CDIN1: variants seen among roughly 807,000 people sequenced by gnomAD.
CDIN1 encodes CDAN1 interacting nuclease 1.
A neutral mutation model predicts 45.3 loss-of-function variants in CDIN1; 33 were observed. That is an observed-to-expected ratio of 0.73 (90% CI 0.55 to 0.97). The LOEUF is 0.97. CDIN1 is among the 50% of genes least tolerant of loss of function. The pLI, the probability that CDIN1 is intolerant of heterozygous loss-of-function variation, is 0.00. For missense variants in CDIN1, 303 were observed against 339.4 expected (o/e 0.89, Z 0.84); for synonymous variants, 118 against 124.4 (o/e 0.95, Z 0.34).
chr15:36,588,383 C>T (rs2037405812), intron 1 of CDIN1, among the ~76,000 whole-genome samples: 1 of 152,130 alleles, frequency 6.6e-6, no homozygotes, highest in African/African-American at 2.4e-5. Flanking sequence ...AGTTGATTCT[C>T]AGTTTGTGGT....
At chr15:36,765,092 G>A (rs368435129) in intron 10 of CDIN1, among the ~76,000 whole-genome samples, 5 of 132,968 alleles carry the variant, frequency 3.8e-5, no homozygotes, top group African/African-American at 8.5e-5. Context: ...GTCTCGCTCC[G>A]TCATTCAGGC....
chr15:36,601,851 T>C (rs2038121856), intron 1 of CDIN1, among the ~76,000 whole-genome samples: 1 of 152,216 alleles, frequency 6.6e-6, no homozygotes, highest in African/African-American at 2.4e-5. Flanking sequence ...GCTGATTGAC[T>C]TTTCTGGGCT....
intron 10 of CDIN1, among the ~76,000 whole-genome samples, chr15:36,745,825 G>C (rs1177549476): frequency 6.6e-6 from 1 of 152,024 alleles, no homozygotes; most frequent in African/African-American, 2.4e-5. Context: ...AATTAGCCAG[G>C]CGTGGGGGTG....
At chr15:36,749,985 C>T (rs762955194) in intron 10 of CDIN1, among the ~76,000 whole-genome samples, 2 of 152,076 alleles carry the variant, frequency 1.3e-5, no homozygotes, top group East Asian at 1.9e-4. Flanking sequence ...ATTGTGTTGC[C>T]GTAATGAAAA....
intron 10 of CDIN1, among the ~76,000 whole-genome samples, chr15:36,775,470 C>G (rs2054195400): frequency 6.6e-6 from 1 of 152,182 alleles, no homozygotes; most frequent in African/African-American, 2.4e-5. Flanking sequence ...TTGGTTAGAT[C>G]TTACCCGTGT....
intron 10 of CDIN1, among the ~76,000 whole-genome samples, chr15:36,724,926 G>A (rs989664863): frequency 1.2e-4 from 19 of 152,052 alleles, no homozygotes; most frequent in African/African-American, 4.1e-4. Context: ...CAAAATGTAC[G>A]AACCTAGGGC....
At chr15:36,655,650 A>G (rs1477705751) in intron 4 of CDIN1, among the ~76,000 whole-genome samples, 1 of 152,160 alleles carries the variant, frequency 6.6e-6, no homozygotes, top group Non-Finnish European at 1.5e-5. Context: ...AAATGTATCT[A>G]GACTTGTTTG....
intron 10 of CDIN1, among the ~76,000 whole-genome samples, chr15:36,757,353 ACT>A (rs2140987495): frequency 6.6e-6 from 1 of 152,096 alleles, no homozygotes; most frequent in East Asian, 1.9e-4. Flanking sequence ...GGTAGTATTA[ACT>A]CTTCACAGTA....
At chr15:36,676,244 T>C (rs1390753301) in intron 5 of CDIN1, among the ~76,000 whole-genome samples, 12 of 152,226 alleles carry the variant, frequency 7.9e-5, no homozygotes, top group East Asian at 1.9e-4. Context: ...ATTTAAGATA[T>C]AAAGTTTAGG....
At chr15:36,614,141 A>T (rs1810472750) in intron 1 of CDIN1, 1 of 731,676 alleles carries the variant, frequency 1.4e-6, no homozygotes, top group Admixed American at 1.7e-5. Flanking sequence ...TGCACCAAAG[A>T]GGAGTATTCT....
chr15:36,625,997 C>T (rs994550872), intron 1 of CDIN1, among the ~76,000 whole-genome samples: 3 of 151,894 alleles, frequency 2.0e-5, no homozygotes, highest in African/African-American at 4.8e-5. Context: ...ATGAACTCTA[C>T]AAAAAATAGT....
At chr15:36,685,307 G>A (rs1428357969) in intron 5 of CDIN1, among the ~76,000 whole-genome samples, 7 of 151,858 alleles carry the variant, frequency 4.6e-5, no homozygotes, top group East Asian at 1.9e-4. Context: ...TTCAAAGAAC[G>A]TCTTTATTTC....
chr15:36,661,359 A>T (rs1249823178), intron 5 of CDIN1, among the ~76,000 whole-genome samples: 2 of 152,120 alleles, frequency 1.3e-5, no homozygotes, highest in Non-Finnish European at 2.9e-5. Context: ...TTCCTAGCAG[A>T]GGATATTACC....
rs71126233 is a variant in CDIN1 at position 36,703,219 on chromosome 15, A to AATATATAT, written c.544+5836_544+5843dup. Among the ~76,000 whole-genome samples the AATATATAT allele has an allele frequency of 6.1e-4, 35 of 57,364 alleles. 10 individuals carry two copies. The highest frequency in any genetic ancestry group is 1.3e-3 in the African/African-American group (16 of 12,498). The allele number at this position is 57,364 out of a possible 152,430, so 37.6% of individuals were successfully genotyped here. On this transcript the variant is annotated intron_variant, in intron 8 of 10. Coordinates refer to ENST00000566621, the MANE Select transcript of CDIN1 (RefSeq NM_001321759.2). ...GGCAATAGAGTGAGACCCTGTCTCA[A>AATATATAT]ATATATATATATATCAGATATATAT...
intron 1 of CDIN1, chr15:36,626,704 A>G (rs2039443052): frequency 2.3e-6 from 1 of 430,064 alleles, no homozygotes; most frequent in South Asian, 1.8e-5. Context: ...AGGAGGTGCT[A>G]TTCTGGTTCA....
At chr15:36,727,761 T>A (rs1272034363) in intron 10 of CDIN1, among the ~76,000 whole-genome samples, 1 of 152,142 alleles carries the variant, frequency 6.6e-6, no homozygotes, top group Non-Finnish European at 1.5e-5. Flanking sequence ...ATATATTGAG[T>A]GTTGAGCCCT....
At chr15:36,595,007 A>G (rs1011869575) in intron 1 of CDIN1, 2 of 744,228 alleles carry the variant, frequency 2.7e-6, no homozygotes, top group Non-Finnish European at 3.3e-6. Flanking sequence ...TAGATAAGCT[A>G]TAGAGAAAAA....
intron 10 of CDIN1, among the ~76,000 whole-genome samples, chr15:36,785,454 CCGGGAGT>C (rs1350481737): frequency 7.2e-6 from 1 of 139,158 alleles, no homozygotes; most frequent in Non-Finnish European, 1.5e-5. Context: ...ACTTACTAAC[CCGGGAGT>C]CGAGTAGTCA....
intron 10 of CDIN1, among the ~76,000 whole-genome samples, chr15:36,746,638 G>A (rs546997849): frequency 1.4e-4 from 19 of 134,262 alleles, no homozygotes; most frequent in Non-Finnish European, 2.6e-4. Context: ...TATCATACAC[G>A]TATATGCATA....
Sources: allele counts gnomAD v4.1 joint callset (sites outside exome capture counted in the v4.1 genomes callset), GRCh38; gene constraint gnomAD v4.1.1; transcripts MANE v1.5; gene names NCBI Gene and HGNC (gene_info 2026-07-23, HGNC 2026-07-21).